The following AMBRA1 variants were observed in gnomAD, a reference collection of about 807,000 sequenced individuals.
AMBRA1 encodes activating molecule in BECN1-regulated autophagy protein 1.
A neutral mutation model predicts 125.4 loss-of-function variants in AMBRA1; 47 were observed. The observed-to-expected ratio is 0.37, with a 90% CI of 0.30 to 0.48. The LOEUF is 0.48. AMBRA1 is among the 20% of genes least tolerant of loss of function. The pLI is 0.99. For missense variants in AMBRA1, 1,331 were observed against 1,693.4 expected (o/e 0.79, Z 3.76); for synonymous variants, 626 against 655.5 (o/e 0.95, Z 0.69).
At chr11:46,496,025 G>A (rs1950617647) in intron 9 of AMBRA1, among the ~76,000 whole-genome samples, 1 of 152,128 alleles carries the variant, frequency 6.6e-6, no homozygotes, top group South Asian at 2.1e-4. Flanking sequence ...GACTGCTTGA[G>A]TCCAGGAGTT....
chr11:46,579,413 C>CA (rs1565319567), intron 1 of AMBRA1, among the ~76,000 whole-genome samples: 3 of 151,938 alleles, frequency 2.0e-5, no homozygotes, highest in African/African-American at 7.3e-5. Context: ...GCCGAGATCA[C>CA]GCCATTGCAC....
At chr11:46,416,070 C>CA (rs901485098) in intron 15 of AMBRA1, among the ~76,000 whole-genome samples, 1 of 152,122 alleles carries the variant, frequency 6.6e-6, no homozygotes, top group African/African-American at 2.4e-5. Context: ...AAGCCATAGA[C>CA]AAAACAACAC....
At chr11:46,411,099 CAAAAAAAAA>C (rs59903160) in intron 15 of AMBRA1, among the ~76,000 whole-genome samples, 1 of 60,190 alleles carries the variant, frequency 1.7e-5, no homozygotes, top group Non-Finnish European at 3.2e-5. Flanking sequence ...GACTCTGTCT[CAAAAAAAAA>C]AAAAAAGAAA....
chr11:46,435,401 A>C (rs1215320301), intron 12 of AMBRA1, among the ~76,000 whole-genome samples: 1 of 152,242 alleles, frequency 6.6e-6, no homozygotes, highest in Non-Finnish European at 1.5e-5. Context: ...AAACCAAGAT[A>C]AATGAAAATG....
chr11:46,542,943 C>A lies in AMBRA1; in HGVS notation c.1074G>T (p.Thr358=). Residue 358 remains threonine, a synonymous_variant, in exon 7 of 18, where the codon ACG becomes ACT. Transcript: ENST00000683756. The surrounding 1 kb of genome is among the most constrained non-coding windows in gnomAD (Gnocchi z 5.9). ...GGTTCAGGAGGCCCTGGTCCTGCTG[C>A]GTTGACGAGGCCTGCTCCGGGGGAT... ...PFHPPEQASS[T]QQDQGLLNRP... 7 of 1,608,838 alleles carry A rather than the reference C, an allele frequency of 4.4e-6. No homozygotes were observed. Among genetic ancestry groups the A allele is most frequent in the Non-Finnish European group, 5.9e-6 (7 of 1,179,974 alleles).
At chr11:46,460,078 G>C (rs985313719) in intron 11 of AMBRA1, among the ~76,000 whole-genome samples, 2 of 152,192 alleles carry the variant, frequency 1.3e-5, no homozygotes, top group Non-Finnish European at 2.9e-5. Flanking sequence ...TCATCTCTGT[G>C]TAAACATCTT....
At chr11:46,479,342 G>A (rs528259887) in intron 11 of AMBRA1, among the ~76,000 whole-genome samples, 65 of 152,310 alleles carry the variant, frequency 4.3e-4, no homozygotes, top group African/African-American at 1.6e-3. Flanking sequence ...GCCTTAGAGA[G>A]TCTTCTTCCT....
At chr11:46,552,442 C>T (rs1410199961) in intron 1 of AMBRA1, among the ~76,000 whole-genome samples, 4 of 128,126 alleles carry the variant, frequency 3.1e-5, no homozygotes, top group African/African-American at 5.9e-5. Flanking sequence ...AATCCCAGCA[C>T]TTTGGGAGGC....
At chr11:46,468,340 G>A (rs540103189) in intron 11 of AMBRA1, among the ~76,000 whole-genome samples, 1 of 151,834 alleles carries the variant, frequency 6.6e-6, no homozygotes, top group Non-Finnish European at 1.5e-5. Flanking sequence ...AGGAGTTTGA[G>A]AACAGCCTGG....
At chr11:46,413,103 CAAG>C (rs1346709928) in intron 15 of AMBRA1, among the ~76,000 whole-genome samples, 3 of 152,226 alleles carry the variant, frequency 2.0e-5, no homozygotes, top group East Asian at 3.8e-4. Flanking sequence ...AAAGAGGCCA[CAAG>C]AAGGCCTTCT....
intron 7 of AMBRA1, among the ~76,000 whole-genome samples, chr11:46,541,160 G>T (rs1286264699): frequency 6.6e-6 from 1 of 152,192 alleles, no homozygotes; most frequent in African/African-American, 2.4e-5. Flanking sequence ...AATAAATCAA[G>T]ATAGATGCGC....
At chr11:46,400,490 T>TG (rs1945696244) in intron 17 of AMBRA1, among the ~76,000 whole-genome samples, 2 of 79,274 alleles carry the variant, frequency 2.5e-5, no homozygotes, top group Admixed American at 1.1e-4. Flanking sequence ...TTTTTTTTTT[T>TG]TTTTTTTTTT....
intron 14 of AMBRA1, among the ~76,000 whole-genome samples, chr11:46,425,615 G>C (rs1401581238): frequency 2.0e-5 from 3 of 151,970 alleles, no homozygotes; most frequent in Non-Finnish European, 4.4e-5. Flanking sequence ...GCTGAGGCAG[G>C]TGGATCACGA....
chr11:46,501,735 A>T (rs911209388), intron 9 of AMBRA1, among the ~76,000 whole-genome samples: 4 of 152,228 alleles, frequency 2.6e-5, no homozygotes, highest in African/African-American at 9.7e-5. Flanking sequence ...AATCTTTTAG[A>T]TGTACAAACA....
intron 11 of AMBRA1, among the ~76,000 whole-genome samples, chr11:46,468,821 AAAAAAAAG>A (rs1230719852): frequency 2.0e-5 from 3 of 150,932 alleles, no homozygotes; most frequent in Non-Finnish European, 4.4e-5. Context: ...TCTCAAAAAA[AAAAAAAAG>A]AAAAAAGAAA....
chr11:46,443,681 G>T, intron 11 of AMBRA1, 83 bp from the exon 12 acceptor site: 1 of 1,179,668 alleles, frequency 8.5e-7, no homozygotes, highest in Non-Finnish European at 1.2e-6. Context: ...ACTGGGATTA[G>T]TAGTGGGGAG....
intron 11 of AMBRA1, among the ~76,000 whole-genome samples, chr11:46,488,956 G>T (rs971690323): frequency 4.6e-5 from 7 of 152,282 alleles, no homozygotes; most frequent in African/African-American, 1.7e-4. Context: ...TCGCCCAAGT[G>T]CGGGGGCGAG....
At chr11:46,429,768 C>T (rs899529482) in intron 14 of AMBRA1, among the ~76,000 whole-genome samples, 2 of 152,004 alleles carry the variant, frequency 1.3e-5, no homozygotes, top group Non-Finnish European at 2.9e-5. Context: ...GTGCCTGGTT[C>T]CAATTAGAAA....
At chr11:46,450,045 C>T (rs555010888) in intron 11 of AMBRA1, among the ~76,000 whole-genome samples, 16 of 144,796 alleles carry the variant, frequency 1.1e-4, no homozygotes, top group East Asian at 4.0e-4. Flanking sequence ...GGCAACAGAG[C>T]GAGACTGTCT....
Sources: gnomAD v4.1 joint callset for allele counts (sites outside exome capture counted in the v4.1 genomes callset) on GRCh38, gnomAD v4.1.1 for gene constraint, Gnocchi (gnomAD v3.1) non-coding constraint, MANE v1.5 for transcripts, NCBI Gene and HGNC (gene_info 2026-07-23, HGNC 2026-07-21) for gene names.